Variants in EXTL3 observed in about 807,000 individuals in gnomAD.
EXTL3 encodes exostosin-like 3.
EXTL3 carries 27 observed loss-of-function variants against 69.3 expected under a neutral mutation model. The ratio of observed to expected loss-of-function variants is 0.39; its 90% CI spans 0.29 to 0.54. The LOEUF (loss-of-function observed/expected upper bound fraction) is 0.54. Among genes scored for constraint, EXTL3 ranks in the 20% least tolerant of loss-of-function variants. The pLI is 0.69. For missense variants in EXTL3, 1,003 were observed against 1,231.8 expected (o/e 0.81, Z 2.78); for synonymous variants, 511 against 499.4 (o/e 1.02, Z -0.31).
At chr8:28,712,964 A>C (rs1450982774) in intron 1 of EXTL3, among the ~76,000 whole-genome samples, 1 of 148,834 alleles carries the variant, frequency 6.7e-6, no homozygotes, top group Non-Finnish European at 1.5e-5. Context: ...AGAGAGCCTG[A>C]TATAATAAGC....
chr8:28,731,196 T>A, intron 3 of EXTL3, 27 bp from the exon 4 acceptor site: 1 of 1,614,142 alleles, frequency 6.2e-7, no homozygotes, highest in Non-Finnish European at 8.5e-7. Context: ...AGCCTTAATT[T>A]TTAATGTTTT....
At chr8:28,698,885 T>G (rs1007222529), upstream of EXTL3, among the ~76,000 whole-genome samples, 1 of 152,112 alleles carries the variant, frequency 6.6e-6, no homozygotes, top group African/African-American at 2.4e-5. Flanking sequence ...TCCCAGTTAC[T>G]CGGGAGGGTG....
At chr8:28,721,538 C>T (rs535353545) in intron 3 of EXTL3, among the ~76,000 whole-genome samples, 2 of 152,322 alleles carry the variant, frequency 1.3e-5, no homozygotes, top group African/African-American at 4.8e-5. Flanking sequence ...AATTCCCTCC[C>T]TCTGAATTTT....
intron 1 of EXTL3, among the ~76,000 whole-genome samples, chr8:28,655,665 G>A (rs1291115513): frequency 1.3e-5 from 2 of 151,738 alleles, no homozygotes; most frequent in Admixed American, 1.3e-4. Flanking sequence ...CTAGTTTTTT[G>A]TACTTTTAGT....
chr8:28,644,586 C>G (rs902638461), intron 1 of EXTL3, among the ~76,000 whole-genome samples: 5 of 152,108 alleles, frequency 3.3e-5, no homozygotes. Flanking sequence ...ATAATCTCAG[C>G]ACTTTGGAAG....
chr8:28,707,943 A>T (rs1348360051), intron 1 of EXTL3, among the ~76,000 whole-genome samples: 4 of 152,238 alleles, frequency 2.6e-5, no homozygotes, highest in Non-Finnish European at 4.4e-5. Context: ...AAGTAAACAG[A>T]TAACTTGGAG....
intron 1 of EXTL3, among the ~76,000 whole-genome samples, chr8:28,649,087 C>G (rs1806878951): frequency 6.6e-6 from 1 of 151,740 alleles, no homozygotes; most frequent in East Asian, 1.9e-4. Flanking sequence ...TTTATAGAGC[C>G]AGGACAGGAT....
chr8:28,730,251 CTG>C (rs1442468210), intron 3 of EXTL3: 1 of 152,096 alleles, frequency 6.6e-6, no homozygotes, highest in East Asian at 1.9e-4. Context: ...GTAAAATAGT[CTG>C]TTGGAAGTAA....
At chr8:28,678,797 C>A (rs1316596934) in intron 1 of EXTL3, among the ~76,000 whole-genome samples, 1 of 152,284 alleles carries the variant, frequency 6.6e-6, no homozygotes, top group African/African-American at 2.4e-5. Flanking sequence ...AAGGGAAAAG[C>A]ATGATTTCCC....
At chr8:28,747,876 G>A (rs1323778771) in intron 6 of EXTL3, among the ~76,000 whole-genome samples, 1 of 151,984 alleles carries the variant, frequency 6.6e-6, no homozygotes, top group Non-Finnish European at 1.5e-5. Flanking sequence ...TTACAGGCAT[G>A]TGTCGCCATG....
intron 2 of EXTL3, among the ~76,000 whole-genome samples, chr8:28,613,393 A>G (rs1806294708): frequency 6.6e-6 from 1 of 152,110 alleles, no homozygotes; most frequent in African/African-American, 2.4e-5. Flanking sequence ...CATGTTGGCC[A>G]GGCTGGTCTC....
At chr8:28,661,102 AC>A (rs1239734348) in intron 1 of EXTL3, among the ~76,000 whole-genome samples, 2 of 151,062 alleles carry the variant, frequency 1.3e-5, no homozygotes, top group Non-Finnish European at 2.9e-5. Context: ...TTTAGTAGAG[AC>A]GGGGTTTCAT....
chr8:28,700,140 G>C, upstream of EXTL3: 1 of 152,124 alleles, frequency 6.6e-6, no homozygotes, highest in South Asian at 2.1e-4. Context: ...GCCTCCTCCT[G>C]TCTTGACTTC....
intron 1 of EXTL3, among the ~76,000 whole-genome samples, chr8:28,643,837 C>T (rs1343944917): frequency 6.6e-6 from 1 of 152,172 alleles, no homozygotes; most frequent in Non-Finnish European, 1.5e-5. Flanking sequence ...ACAATCACAG[C>T]TCACTGTAGG....
intron 1 of EXTL3, among the ~76,000 whole-genome samples, chr8:28,625,997 CAAAAAAAAA>C (rs67403576): frequency 9.7e-5 from 4 of 41,104 alleles, no homozygotes; most frequent in South Asian, 1.6e-3. Flanking sequence ...CACATTTCTC[CAAAAAAAAA>C]AAAAAAAAAA....
chr8:28,610,212 T>A (rs1806253181), intron 2 of EXTL3, among the ~76,000 whole-genome samples: 1 of 147,722 alleles, frequency 6.8e-6, no homozygotes, highest in South Asian at 2.2e-4. Flanking sequence ...CAAAAATATG[T>A]ATATGTGTGT....
At chr8:28,727,788 C>T (rs1441182249) in intron 3 of EXTL3, among the ~76,000 whole-genome samples, 1 of 152,164 alleles carries the variant, frequency 6.6e-6, no homozygotes, top group Admixed American at 6.5e-5. Flanking sequence ...AGGAATCCCC[C>T]AGGGGCATGT....
chr8:28,733,069 A>G (rs936248305), intron 4 of EXTL3, among the ~76,000 whole-genome samples: 2 of 152,022 alleles, frequency 1.3e-5, no homozygotes, highest in African/African-American at 4.8e-5. Context: ...GTTGATGGAT[A>G]TTTGGGTCAT....
chr8:28,735,437 G>A (rs1212768445), intron 4 of EXTL3, among the ~76,000 whole-genome samples: 4 of 152,162 alleles, frequency 2.6e-5, no homozygotes, highest in Non-Finnish European at 4.4e-5. Flanking sequence ...TACCTTGCCC[G>A]TGCTATTTTC....
Sources: allele counts gnomAD v4.1 joint callset (sites outside exome capture counted in the v4.1 genomes callset), GRCh38; gene constraint gnomAD v4.1.1; transcripts MANE v1.5; gene names NCBI Gene and HGNC (gene_info 2026-07-23, HGNC 2026-07-21).